The following CLCN2 variants were observed in gnomAD, a reference collection of about 807,000 sequenced individuals.
CLCN2 encodes chloride channel protein 2.
CLCN2 carries 72 observed loss-of-function variants against 108.3 expected under a neutral mutation model. That is an observed-to-expected ratio of 0.66 (90% confidence interval 0.55 to 0.81). The LOEUF is 0.81. Ranked by LOEUF, CLCN2 falls within the 30% of genes least tolerant of loss-of-function variation. The probability of loss-of-function intolerance (pLI) is 0.00; values close to 1 mark genes in which losing one functional copy is unlikely to be tolerated. For missense variants in CLCN2, 1,048 were observed against 1,205.2 expected (o/e 0.87, Z 1.93); for synonymous variants, 471 against 467.1 (o/e 1.01, Z -0.11).
chr3:184,353,750 G>A lies in CLCN2; in HGVS notation c.1767C>T (p.Pro589=), dbSNP rs909614144. 6.2e-7 allele frequency: 1 copy of A among 1,607,540 alleles called. No individual in the cohort carries two copies. The highest frequency in any genetic ancestry group is 8.5e-7 in the Non-Finnish European group (1 of 1,177,574). Residue 589 remains proline, a synonymous_variant, in exon 16 of 24, where the codon CCC becomes CCT. Transcript: ENST00000265593. ...RVEDIMVRDV[P]HVALSCTFRD... ...GGAAGGTGCAGCTGAGGGCCACATG[G>A]GGAACATCCCGCACCATGATGTCCT...
chr3:184,352,226 C>A, intron 21 of CLCN2, 67 bp downstream of exon 21: 1 of 1,608,104 alleles, frequency 6.2e-7, no homozygotes, highest in Admixed American at 1.7e-5. Context: ...CCCATGGGGA[C>A]AGCAGCCAAC....
rs747791120 is a variant in CLCN2 at position 184,355,330 on chromosome 3, G to A, written c.1326+44C>T. On this transcript the variant is annotated intron_variant, in intron 12 of 23. Coordinates refer to ENST00000265593, the MANE Select transcript of CLCN2 (RefSeq NM_004366.6). The surrounding 1 kb of genome is among the most constrained non-coding windows in gnomAD (Gnocchi z 6.3). ...GCACTGCGTGGCAGGTGCTTAGAAGGGCAAGCTATGTAAAGGTTAGCAGTG... is the reference window on the plus strand; with the variant it reads ...GCACTGCGTGGCAGGTGCTTAGAAGAGCAAGCTATGTAAAGGTTAGCAGTG... 6.2e-7 allele frequency: 1 copy of A among 1,609,196 alleles called. No individual in the cohort carries two copies. The highest frequency in any genetic ancestry group is 8.5e-7 in the Non-Finnish European group (1 of 1,176,344).
At position 184,361,459 on chromosome 3, in the gene CLCN2, C is replaced by T. The variant is rs1219803524; in HGVS notation, c.21G>A (p.Glu7=). The change falls in exon 1 of 24, where the codon GAG becomes GAA. Residue 7 remains glutamate, a synonymous_variant. Transcript: ENST00000265593. This position sits in a 1 kb window ranked among gnomAD's most constrained non-coding sequence, Gnocchi z 6.6. MAAAAA[E]EGMEPRALQY... is the part of the protein sequence containing the mutation. ...GCAGCGCCCGTGGCTCCATCCCTTCCTCCGCCGCCGCGGCCGCCATCTCCG... is the reference window on the plus strand; with the variant it reads ...GCAGCGCCCGTGGCTCCATCCCTTCTTCCGCCGCCGCGGCCGCCATCTCCG... 3 of 1,612,876 alleles carry T rather than the reference C, an allele frequency of 1.9e-6. No homozygotes were observed. The East Asian group carries it at 6.7e-5, about 36-fold the overall frequency.
chr3:184,347,091 G>T (rs1406916697), intron 22 of CLCN2, 70 bp from the exon 23 acceptor site: 4 of 1,343,652 alleles, frequency 3.0e-6, no homozygotes, highest in African/African-American at 1.4e-5. Context: ...GGCCACAGGG[G>T]CCCAGGACAA....
chr3:184,354,418 TCCTGGGATTGGA>T, intron 14 of CLCN2, 104 bp from the exon 15 acceptor site: 2 of 1,328,792 alleles, frequency 1.5e-6, no homozygotes, highest in Non-Finnish European at 2.1e-6. Context: ...CCCAATACAG[TCCTGGGATTGGA>T]CCTGTGCATC....
chr3:184,352,126 AAG>A lies in CLCN2; in HGVS notation c.2311-11_2311-10del. On this transcript the variant is annotated splice_polypyrimidine_tract_variant and intron_variant, in intron 21 of 23. Coordinates refer to ENST00000265593, the MANE Select transcript of CLCN2 (RefSeq NM_004366.6). ...TCCTCCCACTCCAGAATCTGAGGGGAAGAGACTATGAGGTTTAGGGAGAAGGT... is the reference window on the plus strand; with the variant it reads ...TCCTCCCACTCCAGAATCTGAGGGGAAGACTATGAGGTTTAGGGAGAAGGT... 2 of 1,611,278 alleles carry A rather than the reference AAG, an allele frequency of 1.2e-6. No individual in the cohort carries two copies. The highest frequency in any genetic ancestry group is 1.7e-6 in the Non-Finnish European group (2 of 1,177,598).
chr3:184,358,539 T>C, intron 3 of CLCN2, 143 bp downstream of exon 3: 1 of 1,213,046 alleles, frequency 8.2e-7, no homozygotes, highest in East Asian at 2.5e-5. Flanking sequence ...GCCGAGATGA[T>C]GCCTGAATCT....
At chr3:184,351,494 C>T (rs1436512106) in intron 22 of CLCN2, among the ~76,000 whole-genome samples, 2 of 152,218 alleles carry the variant, frequency 1.3e-5, no homozygotes, top group Non-Finnish European at 1.5e-5. Flanking sequence ...CTTCGGCCCA[C>T]ATTAAGGCAG....
chr3:184,347,072 T>A, intron 22 of CLCN2, 51 bp from the exon 23 acceptor site: 1 of 1,500,192 alleles, frequency 6.7e-7, no homozygotes, highest in Non-Finnish European at 9.3e-7. Context: ...GGGGCAGCTC[T>A]AAATGACAGG....
chr3:184,355,881 ACACT>A lies in CLCN2; in HGVS notation c.1086-107_1086-104del. 1.1e-6 allele frequency: 1 copy of A among 905,754 alleles called. No individual in the cohort carries two copies. Among genetic ancestry groups the A allele is most frequent in the South Asian group, 1.4e-5 (1 of 71,516 alleles). 56.1% of individuals were successfully genotyped at this position (905,754 alleles called of 1,614,324 possible). ...GCAGAGCCTTGGCTCTTTCATGAAAACACTCAGTCCTGACAGAAGGTCTCCTTTG... is the reference window on the plus strand; with the variant it reads ...GCAGAGCCTTGGCTCTTTCATGAAAACAGTCCTGACAGAAGGTCTCCTTTG... On this transcript the variant is annotated intron_variant, in intron 10 of 23. Coordinates refer to ENST00000265593, the MANE Select transcript of CLCN2 (RefSeq NM_004366.6). The surrounding 1 kb of genome is among the most constrained non-coding windows in gnomAD (Gnocchi z 6.3).
Position 184,353,025 on chromosome 3 carries a change from G to A in CLCN2, c.2143+8C>T, listed in dbSNP as rs752854427. 3.2e-5 allele frequency: 52 copies of A among 1,608,598 alleles called. No individual in the cohort carries two copies. In the East Asian group the frequency reaches 6.0e-4, roughly 19 times the overall value. ...GAGGCTCTGTGGACACAGGAGACAT[G>A]GGCTTACCTGTGGGACTCTCTCCGA... On this transcript the variant is annotated splice_region_variant and intron_variant, in intron 18 of 23. Coordinates refer to ENST00000265593, the MANE Select transcript of CLCN2 (RefSeq NM_004366.6).
Position 184,355,731 on chromosome 3 carries a change from G to A in CLCN2, c.1133C>T (p.Thr378Ile). Residue 378 changes from threonine to isoleucine, a missense_variant, in exon 11 of 24, where the codon ACC becomes ATC. Thr to Ile is a moderately conservative substitution (Grantham distance 89, BLOSUM62 -1). Coordinates refer to ENST00000265593, the MANE Select transcript of CLCN2 (RefSeq NM_004366.6). The surrounding 1 kb of genome is among the most constrained non-coding windows in gnomAD (Gnocchi z 6.3). ...GAACTGTCCAAAGCCAGGGGGGAAG[G>A]TCAGCGTGGAGATGAGCAGGGTCAC... ...ALVTLLISTL[T>I]FPPGFGQFMA... 2 of 1,614,212 alleles carry A rather than the reference G, an allele frequency of 1.2e-6. No homozygotes were observed. Among genetic ancestry groups the A allele is most frequent in the Non-Finnish European group, 8.5e-7 (1 of 1,180,036 alleles).
chr3:184,361,274 G>A lies in CLCN2; in HGVS notation c.63+143C>T, dbSNP rs1307396447. On this transcript the variant is annotated intron_variant, in intron 1 of 23. Coordinates refer to ENST00000265593, the MANE Select transcript of CLCN2 (RefSeq NM_004366.6). The surrounding 1 kb of genome is among the most constrained non-coding windows in gnomAD (Gnocchi z 6.6). The stretch of plus-strand genomic sequence containing the variant: ...AGTTTTCCATCCCTTCGGCCCTGCA[G>A]CCTCAGACTTCCAAGCCTCAGTTTC... The A allele has an allele frequency of 1.8e-5, 16 of 911,236 alleles. No individual in the cohort carries two copies. The highest frequency in any genetic ancestry group is 2.7e-5 in the Non-Finnish European group (15 of 562,686). 56.4% of individuals were successfully genotyped at this position (911,236 alleles called of 1,614,324 possible). A position where few individuals can be genotyped will look rare whatever the true frequency, so the allele number is the denominator to read the frequency against.
chr3:184,359,243 T>C, intron 1 of CLCN2, 112 bp from the exon 2 acceptor site: 1 of 1,313,688 alleles, frequency 7.6e-7, no homozygotes. Flanking sequence ...TGGATATCCC[T>C]CTTGAACGCA....
intron 10 of CLCN2, chr3:184,356,702 C>G: frequency 4.5e-6 from 2 of 440,548 alleles, no homozygotes; most frequent in East Asian, 4.5e-5. Context: ...ACCTGAGGCT[C>G]AAACACTCTC....
Position 184,358,195 on chromosome 3 carries a change from G to A in CLCN2, c.468C>T (p.Ala156=). ...CTTCTAACATACCGACAGCCTGAGG[G>A]GCCAGGATCTGTGTGAATCCGGCTG... ...TFSAGFTQIL[A]PQAVGSGIPE... is the part of the protein sequence containing the mutation. Residue 156 remains alanine, a synonymous_variant, in exon 4 of 24, where the codon GCC becomes GCT. Coordinates refer to ENST00000265593, the MANE Select transcript of CLCN2 (RefSeq NM_004366.6). 6.2e-7 allele frequency: 1 copy of A among 1,614,106 alleles called. No homozygotes were observed. Among genetic ancestry groups the A allele is most frequent in the South Asian group, 1.1e-5 (1 of 91,082 alleles).
In CLCN2 at chr3:184,346,357, A is replaced by G. The variant is rs1389068554; in HGVS notation, c.*249T>C. On this transcript the variant is annotated 3_prime_UTR_variant, in exon 24 of 24. Transcript: ENST00000265593. This position sits in a 1 kb window ranked among gnomAD's most constrained non-coding sequence, Gnocchi z 6.0. ...CCCCTCAAAGGGGGAGCAGGGGTCA[A>G]GTGACCCCAACCCATCCTGCCAGGG... 13 of 569,036 alleles carry G rather than the reference A, an allele frequency of 2.3e-5. No individual in the cohort carries two copies. Among genetic ancestry groups the G allele is most frequent in the Non-Finnish European group, 3.2e-5 (10 of 315,964 alleles). The allele number at this position is 569,036 out of a possible 1,614,324, so 35.2% of individuals were successfully genotyped here.
In CLCN2 at chr3:184,352,213, C is replaced by T. The variant is rs1189146370; in HGVS notation, c.2310+80G>A. The stretch of plus-strand genomic sequence containing the variant: ...CTGCCCTTTTTCCAACCCCGTGGTC[C>T]CTCCCATGGGGACAGCAGCCAACAT... On this transcript the variant is annotated intron_variant, in intron 21 of 23. Transcript: ENST00000265593. 15 of 1,599,352 alleles carry T rather than the reference C, an allele frequency of 9.4e-6. No homozygotes were observed. The East Asian group carries it at 3.3e-4, about 36-fold the overall frequency.
chr3:184,360,038 G>A (rs1711807028), intron 1 of CLCN2, among the ~76,000 whole-genome samples: 1 of 151,852 alleles, frequency 6.6e-6, no homozygotes, highest in Non-Finnish European at 1.5e-5. Context: ...TGAGAGATAG[G>A]AAAGGGAAAG....
Sources: allele counts gnomAD v4.1 joint callset (sites outside exome capture counted in the v4.1 genomes callset), GRCh38; gene constraint gnomAD v4.1.1; non-coding constraint Gnocchi (gnomAD v3.1); transcripts MANE v1.5; gene names NCBI Gene and HGNC (gene_info 2026-07-23, HGNC 2026-07-21).